Variants in SLAIN1 observed in about 807,000 individuals in gnomAD.
SLAIN1 encodes SLAIN family member 1, also known as SLAIN motif-containing protein 1.
SLAIN1 carries 17 observed loss-of-function variants against 55.4 expected under a neutral mutation model. That is an observed-to-expected ratio of 0.31 (90% CI 0.21 to 0.46). The LOEUF is 0.46. SLAIN1 is among the 20% of genes least tolerant of loss of function. The pLI is 1.00. For synonymous variants in SLAIN1, 348 were observed against 337.4 expected, an observed-to-expected ratio of 1.03 and a Z score of -0.35; for missense variants, 682 against 785.1, an observed-to-expected ratio of 0.87 and a Z score of 1.57.
chr13:77,750,459 C>G (rs775235137), intron 4 of SLAIN1, among the ~76,000 whole-genome samples: 9 of 151,928 alleles, frequency 5.9e-5, no homozygotes, highest in Non-Finnish European at 8.8e-5. Flanking sequence ...TTTTTTACAC[C>G]AGTTTTTGTA....
At chr13:77,762,438 G>A (rs1875109574) in intron 6 of SLAIN1, among the ~76,000 whole-genome samples, 1 of 151,870 alleles carries the variant, frequency 6.6e-6, no homozygotes, top group African/African-American at 2.4e-5. Flanking sequence ...TTAGAGACAG[G>A]GTCTTGCTCT....
At chr13:77,720,247 G>A (rs1395725139) in intron 2 of SLAIN1, among the ~76,000 whole-genome samples, 1 of 152,162 alleles carries the variant, frequency 6.6e-6, no homozygotes, top group Non-Finnish European at 1.5e-5. Context: ...GCTATTTGAT[G>A]CAGGGAACTA....
intron 5 of SLAIN1, among the ~76,000 whole-genome samples, chr13:77,756,635 C>T (rs1465703392): frequency 2.0e-5 from 3 of 152,036 alleles, no homozygotes; most frequent in African/African-American, 4.8e-5. Flanking sequence ...AAAACATGTT[C>T]AAGGAGGTTC....
chr13:77,720,255 C>G (rs2091248909), intron 2 of SLAIN1, among the ~76,000 whole-genome samples: 1 of 152,096 alleles, frequency 6.6e-6, no homozygotes, highest in Non-Finnish European at 1.5e-5. Flanking sequence ...ATGCAGGGAA[C>G]TACTTGAAGC....
rs150728889 is a variant in SLAIN1 at position 77,763,112 on chromosome 13, A to G, written c.1698-33A>G. 1.0e-3 allele frequency: 1,561 copies of G among 1,567,428 alleles called. 2 individuals are homozygous for G. Among genetic ancestry groups the G allele is most frequent in the Non-Finnish European group, 1.3e-3 (1,463 of 1,138,214 alleles). ...GATGTGACTCATAGGATTATTAACA[A>G]TCTCTCTCTCTGTTTTTCTTGTCTC... On this transcript the variant is annotated intron_variant, in intron 6 of 6. Coordinates refer to ENST00000418532, the MANE Select transcript of SLAIN1 (RefSeq NM_001242868.2).
At chr13:77,728,609 A>C (rs901709376) in intron 2 of SLAIN1, among the ~76,000 whole-genome samples, 2 of 152,182 alleles carry the variant, frequency 1.3e-5, no homozygotes, top group African/African-American at 4.8e-5. Flanking sequence ...TTTTATCTTC[A>C]TATGGTACCA....
chr13:77,728,571 A>C (rs1204894491), intron 2 of SLAIN1, among the ~76,000 whole-genome samples: 1 of 152,228 alleles, frequency 6.6e-6, no homozygotes, highest in African/African-American at 2.4e-5. Flanking sequence ...AAATGTGAAT[A>C]GAAATTACCC....
intron 2 of SLAIN1, chr13:77,741,435 A>ACC: frequency 1.0e-6 from 1 of 987,424 alleles, no homozygotes; most frequent in Non-Finnish European, 1.2e-6. Flanking sequence ...AAGCTGCTTA[A>ACC]CCACTGTAAG....
chr13:77,707,882 G>A (rs538094063), intron 1 of SLAIN1, among the ~76,000 whole-genome samples: 6 of 152,278 alleles, frequency 3.9e-5, no homozygotes, highest in Non-Finnish European at 7.4e-5. Flanking sequence ...TATTCACATA[G>A]CAAAGTCTCT....
chr13:77,717,824 G>A (rs1386832463), intron 1 of SLAIN1, among the ~76,000 whole-genome samples: 1 of 152,062 alleles, frequency 6.6e-6, no homozygotes, highest in Non-Finnish European at 1.5e-5. Flanking sequence ...AACTTTTAAG[G>A]GGTGTGGTTT....
At chr13:77,709,145 A>T (rs1438715936) in intron 1 of SLAIN1, among the ~76,000 whole-genome samples, 1 of 151,824 alleles carries the variant, frequency 6.6e-6, no homozygotes, top group Non-Finnish European at 1.5e-5. Context: ...CAAATCAATC[A>T]AGCAGAAGAA....
At chr13:77,714,285 C>T (rs76781725) in intron 1 of SLAIN1, among the ~76,000 whole-genome samples, 3,160 of 152,156 alleles carry the variant, frequency 0.021, 61 homozygotes, top group Non-Finnish European at 0.031. Context: ...TTTTTACATA[C>T]GTGGTAGATG....
chr13:77,745,562 G>A (rs938201154), intron 3 of SLAIN1, among the ~76,000 whole-genome samples: 42 of 152,056 alleles, frequency 2.8e-4, no homozygotes, highest in African/African-American at 8.9e-4. Flanking sequence ...GGGCATTAAT[G>A]GTATCAAAAG....
At chr13:77,710,839 T>A (rs2154409460) in intron 1 of SLAIN1, among the ~76,000 whole-genome samples, 1 of 152,248 alleles carries the variant, frequency 6.6e-6, no homozygotes, top group Admixed American at 6.5e-5. Context: ...TAATTGGAAG[T>A]AAAACACTCC....
chr13:77,749,433 A>G lies in SLAIN1; in HGVS notation c.1258+2578A>G, dbSNP rs1176206793. ...CTGGAGGCATGATGTAGTCCTTATTATCATGAGGACCTCCCCTGGAGCCTG... is the reference window on the plus strand; with the variant it reads ...CTGGAGGCATGATGTAGTCCTTATTGTCATGAGGACCTCCCCTGGAGCCTG... On this transcript the variant is annotated intron_variant, in intron 4 of 6. Coordinates refer to ENST00000418532, the MANE Select transcript of SLAIN1 (RefSeq NM_001242868.2). Among the ~76,000 whole-genome samples, 5 of 152,266 alleles carry G rather than the reference A, an allele frequency of 3.3e-5. No individual in the cohort carries two copies. The East Asian group carries it at 9.6e-4, about 29-fold the overall frequency.
intron 4 of SLAIN1, among the ~76,000 whole-genome samples, chr13:77,751,895 A>C (rs1774345934): frequency 6.6e-6 from 1 of 152,088 alleles, no homozygotes. Context: ...TTTCAGTTTA[A>C]ATGACCTGAC....
intron 1 of SLAIN1, among the ~76,000 whole-genome samples, chr13:77,709,009 A>T (rs776779921): frequency 3.3e-5 from 5 of 152,006 alleles, no homozygotes; most frequent in Non-Finnish European, 7.4e-5. Flanking sequence ...GGAAGCTAAG[A>T]ACTTTGAAAA....
rs756746349 is a variant in SLAIN1 at position 77,698,988 on chromosome 13, G to A, written c.626+449G>A. Reference sequence around the variant, plus strand: ...TTTCGTTTTAAACGAACGCTGGACAGGATTTGCGTGCTCTTCCTCCTCGGG... The same window carrying A: ...TTTCGTTTTAAACGAACGCTGGACAAGATTTGCGTGCTCTTCCTCCTCGGG... On this transcript the variant is annotated intron_variant, in intron 1 of 6. Coordinates refer to ENST00000418532, the MANE Select transcript of SLAIN1 (RefSeq NM_001242868.2). This position sits in a 1 kb window ranked among gnomAD's most constrained non-coding sequence, Gnocchi z 4.1. The A allele has an allele frequency of 1.8e-5, 27 of 1,534,778 alleles. 1 individual carries two copies. The South Asian group carries it at 3.1e-4, about 18-fold the overall frequency.
chr13:77,727,463 T>C (rs1205333031), intron 2 of SLAIN1, among the ~76,000 whole-genome samples: 1 of 151,312 alleles, frequency 6.6e-6, no homozygotes, highest in African/African-American at 2.4e-5. Flanking sequence ...ACAATTTTCA[T>C]TGAACATTTG....
Sources: gnomAD v4.1 joint callset for allele counts (sites outside exome capture counted in the v4.1 genomes callset) on GRCh38, gnomAD v4.1.1 for gene constraint, Gnocchi (gnomAD v3.1) non-coding constraint, MANE v1.5 for transcripts, NCBI Gene and HGNC (gene_info 2026-07-23, HGNC 2026-07-21) for gene names.